Variants in SNURF observed in about 807,000 individuals in gnomAD.
SNURF encodes the protein SNURF protein.
A neutral mutation model predicts 11.6 loss-of-function variants in SNURF; 6 were observed. The observed-to-expected ratio is 0.52, with a 90% confidence interval of 0.28 to 1.02. The LOEUF (loss-of-function observed/expected upper bound fraction) is 1.02, where lower values mean the gene tolerates loss of function less well. SNURF is among the 50% of genes least tolerant of loss of function. SNURF has a pLI of 0.09. For synonymous variants in SNURF, 29 were observed against 31.6 expected, an observed-to-expected ratio of 0.92 and a Z score of 0.27; for missense variants, 84 against 88.4, an observed-to-expected ratio of 0.95 and a Z score of 0.20.
At chr15:24,961,274 T>C (rs1236606196) in intron 1 of SNURF, among the ~76,000 whole-genome samples, 1 of 152,224 alleles carries the variant, frequency 6.6e-6, no homozygotes, top group Non-Finnish European at 1.5e-5. Context: ...ATTGGTAAGC[T>C]ATTTTACCAA....
intron 2 of SNURF, among the ~76,000 whole-genome samples, chr15:24,964,698 G>A (rs2075363978): frequency 6.6e-6 from 1 of 152,150 alleles, no homozygotes. Flanking sequence ...AGGTAGGGCT[G>A]AGGTTTAGGA....
intron 1 of SNURF, among the ~76,000 whole-genome samples, chr15:24,956,205 C>CT (rs957743673): frequency 1.3e-5 from 2 of 152,010 alleles, no homozygotes; most frequent in African/African-American, 2.4e-5. Context: ...CTGGGGGTTA[C>CT]TTTTTTTTCA....
chr15:24,959,774 A>G (rs2074470477), intron 1 of SNURF, among the ~76,000 whole-genome samples: 1 of 152,182 alleles, frequency 6.6e-6, no homozygotes. Flanking sequence ...TTCATTCGTA[A>G]GTTGATGGAC....
chr15:24,958,229 T>C (rs902122562), intron 1 of SNURF, among the ~76,000 whole-genome samples: 1 of 152,152 alleles, frequency 6.6e-6, no homozygotes, highest in Non-Finnish European at 1.5e-5. Context: ...GTTTATAAGG[T>C]GTCAAGGATG....
chr15:24,963,586 G>T (rs555188070), intron 2 of SNURF, among the ~76,000 whole-genome samples: 3 of 150,680 alleles, frequency 2.0e-5, no homozygotes, highest in African/African-American at 7.3e-5. Flanking sequence ...CTGCACTCTA[G>T]CCTGGGTGAC....
intron 1 of SNURF, among the ~76,000 whole-genome samples, chr15:24,961,635 C>G (rs537634755): frequency 4.6e-5 from 7 of 151,712 alleles, no homozygotes; most frequent in Admixed American, 2.6e-4. Flanking sequence ...AAGAAAGCAC[C>G]ATTTGCATGT....
intron 1 of SNURF, among the ~76,000 whole-genome samples, chr15:24,959,787 T>A (rs543411699): frequency 6.6e-6 from 1 of 152,238 alleles, no homozygotes; most frequent in Admixed American, 6.5e-5. Flanking sequence ...TGATGGACAT[T>A]TGAGTTGTTT....
chr15:24,962,905 G>GT (rs901734385), intron 2 of SNURF, among the ~76,000 whole-genome samples: 10 of 151,404 alleles, frequency 6.6e-5, no homozygotes, highest in Admixed American at 1.3e-4. Context: ...AGCTACAATT[G>GT]TTTTTTTTAA....
intron 1 of SNURF, among the ~76,000 whole-genome samples, chr15:24,959,549 A>G (rs946155181): frequency 6.6e-6 from 1 of 152,228 alleles, no homozygotes; most frequent in Non-Finnish European, 1.5e-5. Flanking sequence ...ATATTGAGCA[A>G]CTGCCGAATG....
In SNURF at chr15:24,957,282, C is replaced by T. The variant is rs80266521; in HGVS notation, c.14+2220C>T. ...TTGAAAGGTGTTTCAAACACTGGAC[C>T]TCTTCATCTTCTGGGAGTTGAAAGC... On this transcript the variant is annotated intron_variant, in intron 1 of 2. Transcript: ENST00000577949. 2.6e-4 allele frequency among the ~76,000 whole-genome samples: 39 copies of T among 152,252 alleles called. No individual in the cohort carries two copies. In the East Asian group the frequency reaches 6.9e-3, roughly 27 times the overall value.
intron 1 of SNURF, among the ~76,000 whole-genome samples, 194 bp downstream of exon 1, chr15:24,955,256 G>A (rs2062645848): frequency 6.6e-6 from 1 of 152,112 alleles, no homozygotes; most frequent in Non-Finnish European, 1.5e-5. Context: ...ATGGTATCCT[G>A]TCCGCTCGCA....
chr15:24,959,585 A>G (rs2074432857), intron 1 of SNURF, among the ~76,000 whole-genome samples: 1 of 152,228 alleles, frequency 6.6e-6, no homozygotes, highest in Non-Finnish European at 1.5e-5. Flanking sequence ...TTGGTAAGAC[A>G]GTGTTTGCAG....
chr15:24,958,491 T>TTG lies in SNURF; in HGVS notation c.14+3430_14+3431insGT, dbSNP rs1192165302. On this transcript the variant is annotated intron_variant, in intron 1 of 2. Coordinates refer to ENST00000577949, the Ensembl canonical transcript of SNURF. ...TGGATGCTAGCTGGCTCAAAGTTTTTTTTTTTTTTTTTTTTTTTTTTTTTT... is the reference window on the plus strand; with the variant it reads ...TGGATGCTAGCTGGCTCAAAGTTTTTTGTTTTTTTTTTTTTTTTTTTTTTTTT... 1.0e-3 allele frequency among the ~76,000 whole-genome samples: 36 copies of TTG among 35,800 alleles called. No individual in the cohort carries two copies. The East Asian group carries it at 0.03, about 30-fold the overall frequency. 23.5% of individuals were successfully genotyped at this position (35,800 alleles called of 152,430 possible).
At position 24,974,387 on chromosome 15, in the gene SNURF, C is replaced by T. The variant is rs2076822641; in HGVS notation, c.*46-971C>T. ...ACCTGCGTCATACCTTTATCTATAG[C>T]CTTCCCCTAGGTCTTCAGAAGCATC... is the stretch of plus-strand genomic sequence containing the variant. On this transcript the variant is annotated intron_variant and NMD_transcript_variant, in intron 3 of 6. Coordinates refer to the SNURF transcript ENST00000580062. The T allele has an allele frequency of 6.7e-6, 10 of 1,493,246 alleles. 1 individual carries two copies. The South Asian group carries it at 1.0e-4, about 15-fold the overall frequency. 92.5% of individuals were successfully genotyped at this position (1,493,246 alleles called of 1,614,324 possible). A position where few individuals can be genotyped will look rare whatever the true frequency, so the allele number is the denominator to read the frequency against.
rs934493485 is a variant in SNURF at position 24,958,124 on chromosome 15, G to A, written c.14+3062G>A. ...TCTATCTGACCAGTGTGTCATTGCC[G>A]AAATGTTTTCCACATTTATAGTTAC... is the stretch of plus-strand genomic sequence containing the variant. On this transcript the variant is annotated intron_variant, in intron 1 of 2. Transcript: ENST00000577949. Among the ~76,000 whole-genome samples the A allele has an allele frequency of 2.6e-5, 4 of 152,128 alleles. No individual in the cohort carries two copies. In the South Asian group the frequency reaches 6.2e-4, roughly 24 times the overall value.
intron 2 of SNURF, 48 bp downstream of exon 2, chr15:24,962,257 C>A: frequency 6.9e-7 from 1 of 1,448,272 alleles, no homozygotes; most frequent in Non-Finnish European, 9.7e-7. Context: ...AATCTCCTTT[C>A]AGATTAGAAC....
At chr15:24,974,368 G>A (rs886051018) in intron 3 of SNURF, 99 of 1,283,070 alleles carry the variant, frequency 7.7e-5, no homozygotes, top group East Asian at 6.9e-5. Flanking sequence ...GAGAACCTGC[G>A]TCATACCTTT....
intron 2 of SNURF, chr15:24,966,947 C>T (rs2075730737): frequency 6.6e-6 from 1 of 152,046 alleles, no homozygotes; most frequent in East Asian, 1.9e-4. Context: ...GGGCTTTTGT[C>T]TGGAATTCCC....
At chr15:24,978,649 G>T, downstream of SNURF, 1 of 610,148 alleles carries the variant, frequency 1.6e-6, no homozygotes, top group Middle Eastern at 4.4e-4. Context: ...GTGGATGAGG[G>T]TGATGCCTAT....
Sources: gnomAD v4.1 joint callset for allele counts (sites outside exome capture counted in the v4.1 genomes callset) on GRCh38, gnomAD v4.1.1 for gene constraint, MANE v1.5 for transcripts, NCBI Gene and HGNC (gene_info 2026-07-23, HGNC 2026-07-21) for gene names.